Variants in NDFIP1 observed in about 807,000 individuals in gnomAD.
NDFIP1 encodes Nedd4 family interacting protein 1.
NDFIP1 carries 7 observed loss-of-function variants against 28.8 expected under a neutral mutation model. That is an observed-to-expected ratio of 0.24 (90% confidence interval 0.14 to 0.46). The LOEUF (loss-of-function observed/expected upper bound fraction) is 0.46, where lower values mean the gene tolerates loss of function less well. NDFIP1 is among the 20% of genes least tolerant of loss of function. The pLI is 0.99. For missense variants in NDFIP1, 194 were observed against 269.1 expected, an observed-to-expected ratio of 0.72 and a Z score of 1.95; for synonymous variants, 92 against 101.0, an observed-to-expected ratio of 0.91 and a Z score of 0.53.
At chr5:142,118,499 A>AGG (rs1757091820) in intron 1 of NDFIP1, among the ~76,000 whole-genome samples, 1 of 152,202 alleles carries the variant, frequency 6.6e-6, no homozygotes, top group Admixed American at 6.5e-5. Context: ...CATCATATCA[A>AGG]GAATGCACAC....
chr5:142,132,004 A>G, intron 2 of NDFIP1, 109 bp downstream of exon 2: 1 of 1,195,028 alleles, frequency 8.4e-7, no homozygotes, highest in South Asian at 1.6e-5. Context: ...AAGGTTACAA[A>G]GCAAGTCTGG....
intron 1 of NDFIP1, among the ~76,000 whole-genome samples, chr5:142,129,911 CAAA>C (rs749420090): frequency 1.6e-5 from 1 of 62,670 alleles, no homozygotes. Context: ...AACTACATCT[CAAA>C]AAAAAAAAAA....
At chr5:142,124,515 G>T (rs1460945985) in intron 1 of NDFIP1, among the ~76,000 whole-genome samples, 3 of 152,074 alleles carry the variant, frequency 2.0e-5, no homozygotes, top group Non-Finnish European at 2.9e-5. Flanking sequence ...CAGTTATATT[G>T]ATACATATTA....
At chr5:142,111,195 A>T (rs1366769678) in intron 1 of NDFIP1, among the ~76,000 whole-genome samples, 1 of 151,502 alleles carries the variant, frequency 6.6e-6, no homozygotes, top group Non-Finnish European at 1.5e-5. Flanking sequence ...AGACATGTGC[A>T]TTCATACATT....
chr5:142,111,434 T>G (rs2126908456), intron 1 of NDFIP1, among the ~76,000 whole-genome samples: 1 of 152,292 alleles, frequency 6.6e-6, no homozygotes, highest in East Asian at 1.9e-4. Context: ...GAAATTTATT[T>G]CACATACGTC....
At chr5:142,117,980 C>T (rs1488016557) in intron 1 of NDFIP1, among the ~76,000 whole-genome samples, 1 of 152,082 alleles carries the variant, frequency 6.6e-6, no homozygotes, top group Non-Finnish European at 1.5e-5. Context: ...GCGATCATTC[C>T]CCCACTGACC....
intron 5 of NDFIP1, among the ~76,000 whole-genome samples, chr5:142,138,805 T>C (rs1757298884): frequency 6.6e-6 from 1 of 152,154 alleles, no homozygotes; most frequent in South Asian, 2.1e-4. Context: ...GAAAATACTA[T>C]ATTTTACTTT....
intron 1 of NDFIP1, among the ~76,000 whole-genome samples, chr5:142,112,962 G>T (rs1392887422): frequency 6.6e-6 from 1 of 152,154 alleles, no homozygotes; most frequent in African/African-American, 2.4e-5. Context: ...TCTCTCTGAG[G>T]ACGTTAACTC....
intron 6 of NDFIP1, among the ~76,000 whole-genome samples, chr5:142,141,972 A>G (rs1370911122): frequency 6.6e-6 from 1 of 152,108 alleles, no homozygotes; most frequent in Admixed American, 6.5e-5. Context: ...CGTCTCTACA[A>G]AAAAATTTTT....
At chr5:142,148,969 G>T (rs941851410) in intron 7 of NDFIP1, among the ~76,000 whole-genome samples, 1 of 152,108 alleles carries the variant, frequency 6.6e-6, no homozygotes, top group Non-Finnish European at 1.5e-5. Context: ...TGGTAACACA[G>T]TTGATTGGTT....
At chr5:142,147,536 C>T (rs1596796409) in intron 7 of NDFIP1, among the ~76,000 whole-genome samples, 1 of 152,210 alleles carries the variant, frequency 6.6e-6, no homozygotes, top group East Asian at 1.9e-4. Context: ...GGATTTTTCT[C>T]TTGACTCTGG....
At chr5:142,119,230 A>G (rs1046637403) in intron 1 of NDFIP1, among the ~76,000 whole-genome samples, 3 of 152,314 alleles carry the variant, frequency 2.0e-5, no homozygotes, top group Non-Finnish European at 2.9e-5. Context: ...CCACTCCAAC[A>G]TGGAGAAACC....
chr5:142,145,473 G>A (rs548027265), intron 7 of NDFIP1, among the ~76,000 whole-genome samples: 1 of 152,178 alleles, frequency 6.6e-6, no homozygotes, highest in East Asian at 1.9e-4. Flanking sequence ...TGGGGCTTTG[G>A]GGACTGTGTT....
At chr5:142,110,449 G>C (rs1254522709) in intron 1 of NDFIP1, among the ~76,000 whole-genome samples, 1 of 152,124 alleles carries the variant, frequency 6.6e-6, no homozygotes, top group Non-Finnish European at 1.5e-5. Flanking sequence ...TAAGGCTAAC[G>C]AGCAAAAGAG....
rs1194344456 is a variant in NDFIP1 at position 142,152,354 on chromosome 5, C to A, written c.*626C>A. 2.6e-5 allele frequency: 4 copies of A among 152,268 alleles called. No individual in the cohort carries two copies. The highest frequency in any genetic ancestry group is 5.9e-5 in the Non-Finnish European group (4 of 68,010). 9.4% of individuals were successfully genotyped at this position (152,268 alleles called of 1,614,324 possible). A position where few individuals can be genotyped will look rare whatever the true frequency, so the allele number is the denominator to read the frequency against. On this transcript the variant is annotated 3_prime_UTR_variant, in exon 8 of 8. Transcript: ENST00000253814. ...TTTTTTATAGCCTGTATTCACAATT[C>A]TGCGGTACCTTATTGTACCTAAGGG...
At chr5:142,132,472 A>G (rs531886740) in intron 3 of NDFIP1, 130 bp downstream of exon 3, 3 of 1,192,338 alleles carry the variant, frequency 2.5e-6, no homozygotes, top group African/African-American at 1.5e-5. Flanking sequence ...AAAATCAGGT[A>G]CATTTGCTTT....
chr5:142,116,118 T>G (rs1159939858), intron 1 of NDFIP1, among the ~76,000 whole-genome samples: 1 of 152,176 alleles, frequency 6.6e-6, no homozygotes, highest in Non-Finnish European at 1.5e-5. Context: ...TCTTGTTAAC[T>G]TGACCAAGAG....
At chr5:142,145,750 A>G (rs1156778150) in intron 7 of NDFIP1, among the ~76,000 whole-genome samples, 1 of 152,144 alleles carries the variant, frequency 6.6e-6, no homozygotes, top group African/African-American at 2.4e-5. Context: ...AGTTTCTCAG[A>G]TACCTTGAGC....
chr5:142,153,008 G>A lies in NDFIP1; in HGVS notation c.*1280G>A, dbSNP rs969133642. On this transcript the variant is annotated 3_prime_UTR_variant, in exon 8 of 8. Coordinates refer to ENST00000253814, the MANE Select transcript of NDFIP1 (RefSeq NM_030571.4). Reference sequence around the variant, plus strand: ...GATAATGGACTAAAAAAGTAGAGAGGAGTTGTAGAGATCTTAAATCATTCT... The same window carrying A: ...GATAATGGACTAAAAAAGTAGAGAGAAGTTGTAGAGATCTTAAATCATTCT... 4 of 319,940 alleles carry A rather than the reference G, an allele frequency of 1.3e-5. No individual in the cohort carries two copies. The highest frequency in any genetic ancestry group is 6.5e-5 in the African/African-American group (3 of 46,044). 19.8% of individuals were successfully genotyped at this position (319,940 alleles called of 1,614,324 possible).
Sources: gnomAD v4.1 joint callset for allele counts (sites outside exome capture counted in the v4.1 genomes callset) on GRCh38, gnomAD v4.1.1 for gene constraint, MANE v1.5 for transcripts, NCBI Gene and HGNC (gene_info 2026-07-23, HGNC 2026-07-21) for gene names.